The following KLHL2 variants were observed in gnomAD, a reference collection of about 807,000 sequenced individuals.
KLHL2 encodes the protein kelch-like protein 2.
In KLHL2, 15 loss-of-function variants were observed where a neutral mutation model predicts 75.8. The ratio of observed to expected loss-of-function variants is 0.20; its 90% CI spans 0.13 to 0.30. The LOEUF is 0.30. Among genes scored for constraint, KLHL2 ranks in the 10% least tolerant of loss-of-function variants. The pLI is 1.00. For synonymous variants in KLHL2, 214 were observed against 251.9 expected (o/e 0.85, Z 1.42); for missense variants, 381 against 741.0 (o/e 0.51, Z 5.64).
chr4:165,293,542 A>T (rs1241923029), intron 5 of KLHL2, among the ~76,000 whole-genome samples: 1 of 148,268 alleles, frequency 6.7e-6, no homozygotes, highest in Non-Finnish European at 1.5e-5. Flanking sequence ...TCTGTCTGTC[A>T]TCCAGGCTGG....
intron 5 of KLHL2, among the ~76,000 whole-genome samples, chr4:165,268,788 TG>T (rs1340156121): frequency 3.9e-5 from 6 of 152,242 alleles, no homozygotes; most frequent in Admixed American, 3.9e-4. Context: ...ATGTATATTC[TG>T]TTGATTTGGG....
rs549495197 is a variant in KLHL2, at chr4:165,259,852, A to G, written c.382-3345A>G. On this transcript the variant is annotated intron_variant, in intron 4 of 14. Transcript: ENST00000226725. ...CTAGCTTTCCATGACTCGCTGTATG[A>G]CTTGGTCAAGCCGTTTAACCCCTCG... is the stretch of plus-strand genomic sequence containing the variant. Among the ~76,000 whole-genome samples, 25 of 152,312 alleles carry G rather than the reference A, an allele frequency of 1.6e-4. No individual in the cohort carries two copies. In the South Asian group the frequency reaches 5.0e-3, roughly 30 times the overall value.
intron 1 of KLHL2, among the ~76,000 whole-genome samples, chr4:165,218,709 A>G (rs1737739598): frequency 1.3e-5 from 2 of 152,184 alleles, no homozygotes; most frequent in Admixed American, 1.3e-4. Context: ...TGATTGGTAC[A>G]TGGTTGGTAC....
At chr4:165,279,175 G>A in intron 5 of KLHL2, 1 of 1,595,130 alleles carries the variant, frequency 6.3e-7, no homozygotes, top group Non-Finnish European at 8.6e-7. Context: ...CATTGTCGAG[G>A]AGCCAGCGAA....
intron 1 of KLHL2, among the ~76,000 whole-genome samples, chr4:165,210,984 C>T (rs1737163062): frequency 6.6e-6 from 1 of 152,048 alleles, no homozygotes; most frequent in Non-Finnish European, 1.5e-5. Flanking sequence ...AGCAAACATC[C>T]CTCAGATAGA....
chr4:165,285,189 G>C (rs894326084), intron 5 of KLHL2, among the ~76,000 whole-genome samples: 1 of 152,072 alleles, frequency 6.6e-6, no homozygotes, highest in Non-Finnish European at 1.5e-5. Flanking sequence ...TTGAGGTTAC[G>C]AATACATATT....
Position 165,297,590 on chromosome 4 carries a change from C to T in KLHL2, c.655-19C>T, listed in dbSNP as rs868713915. On this transcript the variant is annotated intron_variant, in intron 6 of 14. Transcript: ENST00000226725. ...CACAACTCATTTCTTATTTTTTCTT[C>T]TCCTATATTTTCTGCAAGGTATTTG... is the stretch of plus-strand genomic sequence containing the variant. 7.0e-6 allele frequency: 10 copies of T among 1,421,756 alleles called. No individual in the cohort carries two copies. In the Middle Eastern group the frequency reaches 7.0e-4, roughly 100 times the overall value. The allele number at this position is 1,421,756 out of a possible 1,614,324, so 88.1% of individuals were successfully genotyped here.
chr4:165,261,592 G>C (rs185449528), intron 4 of KLHL2, among the ~76,000 whole-genome samples: 2,456 of 152,280 alleles, frequency 0.016, 59 homozygotes, highest in African/African-American at 0.055. Context: ...ACCTGCCTCG[G>C]CCTCCTAAAG....
At chr4:165,257,461 A>G (rs1311274485) in intron 4 of KLHL2, among the ~76,000 whole-genome samples, 3 of 152,218 alleles carry the variant, frequency 2.0e-5, no homozygotes, top group Non-Finnish European at 2.9e-5. Context: ...AGCCCAGTGC[A>G]TCACTGAAGG....
At chr4:165,281,894 G>A (rs905053481) in intron 5 of KLHL2, among the ~76,000 whole-genome samples, 1 of 152,182 alleles carries the variant, frequency 6.6e-6, no homozygotes, top group African/African-American at 2.4e-5. Flanking sequence ...CCCTATTGCA[G>A]TTATGGTATT....
rs185538162 is a variant in KLHL2, at chr4:165,303,110, A to G, written c.922-2498A>G. On this transcript the variant is annotated intron_variant, in intron 8 of 14. Transcript: ENST00000226725. ...ATTGCACGTTCTCCTTGTCTCCTTT[A>G]TCCCTGATTCCTGGAGACCCAAATC... Among the ~76,000 whole-genome samples, 150 of 152,112 alleles carry G rather than the reference A, an allele frequency of 9.9e-4. 1 individual carries two copies. The highest frequency in any genetic ancestry group is 3.5e-3 in the African/African-American group (145 of 41,464).
At chr4:165,315,276 T>C (rs1477878912) in intron 13 of KLHL2, among the ~76,000 whole-genome samples, 1 of 152,214 alleles carries the variant, frequency 6.6e-6, no homozygotes, top group Non-Finnish European at 1.5e-5. Context: ...TATATGTGTT[T>C]ATTGTTTTCA....
intron 3 of KLHL2, among the ~76,000 whole-genome samples, chr4:165,236,058 A>G (rs572098305): frequency 3.3e-5 from 5 of 152,218 alleles, no homozygotes; most frequent in South Asian, 2.1e-4. Flanking sequence ...AGGTGGCTAC[A>G]TTGGTGTTAG....
At chr4:165,303,160 G>A (rs1041912130) in intron 8 of KLHL2, among the ~76,000 whole-genome samples, 3 of 152,036 alleles carry the variant, frequency 2.0e-5, no homozygotes, top group Non-Finnish European at 1.5e-5. Flanking sequence ...CCTCTCTTGG[G>A]TGAGTAAAGG....
Position 165,263,290 on chromosome 4 carries a change from T to C in KLHL2, c.475T>C (p.Leu159=). ...LESQLHPVNC[L]GIRAFADMHA... The stretch of plus-strand genomic sequence containing the variant: ...ATCCCAGCTTCACCCTGTCAACTGC[T>C]TAGGAATCCGGGCTTTTGCTGATAT... Residue 159 remains leucine (L), a synonymous_variant, in exon 5 of 15, where the codon TTA becomes CTA. Transcript: ENST00000226725. The C allele has an allele frequency of 6.2e-7, 1 of 1,614,082 alleles. No homozygotes were observed. The highest frequency in any genetic ancestry group is 8.5e-7 in the Non-Finnish European group (1 of 1,179,982).
chr4:165,294,290 T>C, intron 5 of KLHL2, 69 bp from the exon 6 acceptor site: 1 of 887,184 alleles, frequency 1.1e-6, no homozygotes, highest in Non-Finnish European at 1.8e-6. Context: ...AAAAACCTTT[T>C]TTAAGCAGTT....
At chr4:165,292,734 A>G (rs1744612043) in intron 5 of KLHL2, among the ~76,000 whole-genome samples, 1 of 152,154 alleles carries the variant, frequency 6.6e-6, no homozygotes, top group Non-Finnish European at 1.5e-5. Context: ...TTTTTATGGT[A>G]TGTTGAAATA....
chr4:165,318,163 C>A (rs1352079062), intron 14 of KLHL2, among the ~76,000 whole-genome samples, 194 bp downstream of exon 14: 1 of 152,166 alleles, frequency 6.6e-6, no homozygotes, highest in African/African-American at 2.4e-5. Flanking sequence ...ATTCTACAGT[C>A]ATTTGTATTC....
rs1387820687 is a variant in KLHL2 at position 165,310,764 on chromosome 4, C to A, written c.1237+14C>A. 1 of 1,585,294 alleles carries A rather than the reference C, an allele frequency of 6.3e-7. No individual in the cohort carries two copies. The highest frequency in any genetic ancestry group is 8.7e-7 in the Non-Finnish European group (1 of 1,155,582). On this transcript the variant is annotated intron_variant, in intron 10 of 14. Transcript: ENST00000226725. Reference sequence around the variant, plus strand: ...ATGGGAGTACAGGTAATTTCCTTTTCATTTATTCTACATTGCTGCTAAAAT... The same window carrying A: ...ATGGGAGTACAGGTAATTTCCTTTTAATTTATTCTACATTGCTGCTAAAAT...
Sources: allele counts gnomAD v4.1 joint callset (sites outside exome capture counted in the v4.1 genomes callset), GRCh38; gene constraint gnomAD v4.1.1; transcripts MANE v1.5; gene names NCBI Gene and HGNC (gene_info 2026-07-23, HGNC 2026-07-21).